Variants in CNTNAP2 observed in about 807,000 individuals in gnomAD.
The protein encoded by CNTNAP2 is contactin-associated protein-like 2.
Under a neutral mutation model 155.2 loss-of-function variants are expected in CNTNAP2, and 98 were observed. The ratio of observed to expected loss-of-function variants is 0.63; its 90% confidence interval spans 0.54 to 0.75. The LOEUF (loss-of-function observed/expected upper bound fraction) is 0.75. Among genes scored for constraint, CNTNAP2 ranks in the 30% least tolerant of loss-of-function variants. The pLI, the probability that CNTNAP2 is intolerant of heterozygous loss-of-function variation, is 0.00. For missense variants in CNTNAP2, 1,727 were observed against 1,688.1 expected (o/e 1.02, Z -0.40); for synonymous variants, 651 against 631.2 (o/e 1.03, Z -0.47).
intron 1 of CNTNAP2, among the ~76,000 whole-genome samples, chr7:146,683,310 G>A (rs562555762): frequency 6.6e-6 from 1 of 152,278 alleles, no homozygotes; most frequent in South Asian, 2.1e-4. Context: ...TGGGATTACA[G>A]GCATGAGCCA....
At chr7:146,783,565 C>T (rs1802525660) in intron 2 of CNTNAP2, among the ~76,000 whole-genome samples, 1 of 152,166 alleles carries the variant, frequency 6.6e-6, no homozygotes, top group South Asian at 2.1e-4. Context: ...CAGGCAATGA[C>T]TCATACATTT....
intron 14 of CNTNAP2, among the ~76,000 whole-genome samples, chr7:147,973,381 T>G (rs1331398774): frequency 6.6e-6 from 1 of 152,150 alleles, no homozygotes; most frequent in Non-Finnish European, 1.5e-5. Context: ...TACTATTTTC[T>G]CCTTTTATTA....
chr7:147,391,175 T>G (rs979006258), intron 9 of CNTNAP2, among the ~76,000 whole-genome samples: 1 of 152,106 alleles, frequency 6.6e-6, no homozygotes, highest in Admixed American at 6.6e-5. Flanking sequence ...GAAACCAAAT[T>G]AGACTCTCTG....
At chr7:146,335,387 G>A (rs1801256908) in intron 1 of CNTNAP2, among the ~76,000 whole-genome samples, 1 of 152,166 alleles carries the variant, frequency 6.6e-6, no homozygotes, top group Admixed American at 6.5e-5. Context: ...ACAGAAAAAT[G>A]TCCCTCGAGA....
intron 9 of CNTNAP2, among the ~76,000 whole-genome samples, chr7:147,343,132 C>G (rs974692002): frequency 2.0e-5 from 3 of 151,982 alleles, no homozygotes; most frequent in African/African-American, 7.2e-5. Context: ...CAGCTAGAAG[C>G]CTATATATTG....
At chr7:146,196,301 T>C (rs1798774356) in intron 1 of CNTNAP2, among the ~76,000 whole-genome samples, 1 of 152,150 alleles carries the variant, frequency 6.6e-6, no homozygotes, top group Non-Finnish European at 1.5e-5. Context: ...CAAAATGGAA[T>C]GAAATGAATT....
chr7:146,235,746 A>C (rs1232958030), intron 1 of CNTNAP2, among the ~76,000 whole-genome samples: 1 of 152,086 alleles, frequency 6.6e-6, no homozygotes, highest in Non-Finnish European at 1.5e-5. Context: ...CCACAGTGAA[A>C]AGGGCTATGG....
In CNTNAP2 at chr7:148,365,795, C is replaced by T. The variant is rs1398575905; in HGVS notation, c.3476-17854C>T. ...ATACATGTATGTGTATGCATGTATA[C>T]ATGCATGTGTATGCATGTATACATG... On this transcript the variant is annotated intron_variant, in intron 21 of 23. Transcript: ENST00000361727. Among the ~76,000 whole-genome samples the T allele has an allele frequency of 7.9e-5, 7 of 88,296 alleles. 3 individuals are homozygous for T. Among genetic ancestry groups the T allele is most frequent in the African/African-American group, 3.6e-4 (7 of 19,578 alleles). 57.9% of individuals were successfully genotyped at this position (88,296 alleles called of 152,430 possible). A position where few individuals can be genotyped will look rare whatever the true frequency, so the allele number is the denominator to read the frequency against.
At chr7:147,851,152 C>A (rs1411180665) in intron 13 of CNTNAP2, among the ~76,000 whole-genome samples, 1 of 152,168 alleles carries the variant, frequency 6.6e-6, no homozygotes, top group African/African-American at 2.4e-5. Flanking sequence ...ATTTATGCAG[C>A]CAACAGACAC....
At chr7:148,411,906 A>T (rs1445496160) in intron 23 of CNTNAP2, among the ~76,000 whole-genome samples, 1 of 151,464 alleles carries the variant, frequency 6.6e-6, no homozygotes, top group East Asian at 1.9e-4. Flanking sequence ...GTTGGTCTAT[A>T]TATATCTTTC....
At chr7:146,851,241 T>C (rs1174830303) in intron 3 of CNTNAP2, among the ~76,000 whole-genome samples, 6 of 152,250 alleles carry the variant, frequency 3.9e-5, no homozygotes, top group African/African-American at 1.2e-4. Flanking sequence ...AGCCTCGGCC[T>C]CCCAGAGTGC....
At chr7:147,874,539 C>G (rs780231612) in intron 13 of CNTNAP2, among the ~76,000 whole-genome samples, 1 of 152,292 alleles carries the variant, frequency 6.6e-6, no homozygotes, top group Non-Finnish European at 1.5e-5. Flanking sequence ...CTGCACACAG[C>G]AGGGGGGCCC....
chr7:147,557,188 C>G (rs561935892), intron 11 of CNTNAP2, among the ~76,000 whole-genome samples: 3 of 151,872 alleles, frequency 2.0e-5, no homozygotes, highest in African/African-American at 7.3e-5. Flanking sequence ...CGCTTGAACC[C>G]GGGAGGCAAA....
intron 2 of CNTNAP2, among the ~76,000 whole-genome samples, chr7:146,790,141 C>G (rs1000793704): frequency 6.6e-6 from 1 of 152,030 alleles, no homozygotes; most frequent in African/African-American, 2.4e-5. Flanking sequence ...TTCTTTCTAT[C>G]AAGTATTAAA....
rs1798596002 is a variant in CNTNAP2, at chr7:147,834,053, T to TGAC, written c.2099-69512_2099-69511insGAC. On this transcript the variant is annotated intron_variant, in intron 13 of 23. Transcript: ENST00000361727. ...GATTAGATATGGGTTACTTTTTCTT[T>TGAC]CCACACTAGTGAGTCAATATAATCT... is the stretch of plus-strand genomic sequence containing the variant. Among the ~76,000 whole-genome samples, 4 of 152,344 alleles carry TGAC rather than the reference T, an allele frequency of 2.6e-5. No homozygotes were observed. The East Asian group carries it at 7.7e-4, about 29-fold the overall frequency.
chr7:147,211,082 T>G (rs894422864), intron 8 of CNTNAP2, among the ~76,000 whole-genome samples: 2 of 151,818 alleles, frequency 1.3e-5, no homozygotes, highest in African/African-American at 4.8e-5. Flanking sequence ...GGAGTAGGTT[T>G]TATGTGCAGA....
chr7:146,504,166 C>A (rs962315830), intron 1 of CNTNAP2, among the ~76,000 whole-genome samples: 1 of 152,230 alleles, frequency 6.6e-6, no homozygotes, highest in Admixed American at 6.5e-5. Context: ...ACCCTCTAGG[C>A]TAAGGGAGTT....
rs71530742 is a variant in CNTNAP2, at chr7:146,535,383, A to T, written c.98-238888A>T. 6.2e-5 allele frequency among the ~76,000 whole-genome samples: 3 copies of T among 48,536 alleles called. No individual in the cohort carries two copies. The East Asian group carries it at 2.2e-3, about 35-fold the overall frequency. 31.8% of individuals were successfully genotyped at this position (48,536 alleles called of 152,430 possible). A position where few individuals can be genotyped will look rare whatever the true frequency, so the allele number is the denominator to read the frequency against. On this transcript the variant is annotated intron_variant, in intron 1 of 23. Coordinates refer to ENST00000361727, the MANE Select transcript of CNTNAP2 (RefSeq NM_014141.6). ...ATATAATGTATATTATATATGATAT[A>T]ATATATGATATATATATTATATATG...
chr7:147,466,828 G>T (rs1003875765), intron 10 of CNTNAP2, among the ~76,000 whole-genome samples: 3 of 152,136 alleles, frequency 2.0e-5, no homozygotes, highest in African/African-American at 7.2e-5. Context: ...TGAGGCAGGA[G>T]AATCACTTGA....
Sources: gnomAD v4.1 joint callset for allele counts (sites outside exome capture counted in the v4.1 genomes callset) on GRCh38, gnomAD v4.1.1 for gene constraint, MANE v1.5 for transcripts, NCBI Gene and HGNC (gene_info 2026-07-23, HGNC 2026-07-21) for gene names.